Variants in KIF3C observed in about 807,000 individuals in gnomAD.
The protein encoded by KIF3C is kinesin family member 3C, also known as kinesin-like protein KIF3C.
Under a neutral mutation model 67.7 loss-of-function variants are expected in KIF3C, and 12 were observed. That is an observed-to-expected ratio of 0.18 (90% CI 0.11 to 0.29). The LOEUF (loss-of-function observed/expected upper bound fraction) is 0.29. Among genes scored for constraint, KIF3C ranks in the 10% least tolerant of loss-of-function variants. KIF3C has a pLI of 1.00. For synonymous variants in KIF3C, 393 were observed against 426.2 expected, an observed-to-expected ratio of 0.92 and a Z score of 0.96; for missense variants, 789 against 1,059.6, an observed-to-expected ratio of 0.74 and a Z score of 3.55.
chr2:25,958,088 T>G lies in KIF3C; in HGVS notation c.1546-1644A>C, dbSNP rs1274157279. ...CATCCCTGCCCTGCCTCTCATCCGT[T>G]GCATCTGGCCAGTGAGTCAAGGCCA... On this transcript the variant is annotated intron_variant, in intron 1 of 7. Transcript: ENST00000264712. The surrounding 1 kb of genome is among the most constrained non-coding windows in gnomAD (Gnocchi z 4.5). 1.3e-5 allele frequency among the ~76,000 whole-genome samples: 2 copies of G among 152,076 alleles called. No individual in the cohort carries two copies. The highest frequency in any genetic ancestry group is 2.9e-5 in the Non-Finnish European group (2 of 67,958).
intron 1 of KIF3C, among the ~76,000 whole-genome samples, chr2:25,977,061 T>C (rs1354658676): frequency 1.3e-5 from 2 of 150,660 alleles, no homozygotes; most frequent in Non-Finnish European, 3.0e-5. Flanking sequence ...ACTACATAAG[T>C]ATAAATTGCT....
intron 7 of KIF3C, 29 bp from the exon 8 acceptor site, chr2:25,929,100 G>A (rs200972744): frequency 1.3e-6 from 2 of 1,586,916 alleles, no homozygotes; most frequent in Non-Finnish European, 1.7e-6. Context: ...AGGCGAAAGG[G>A]GAGGTTAGGG....
At chr2:25,970,965 G>GAA (rs970182694) in intron 1 of KIF3C, among the ~76,000 whole-genome samples, 45 of 49,308 alleles carry the variant, frequency 9.1e-4, no homozygotes, top group African/African-American at 1.6e-3. Context: ...CTCTATGAAG[G>GAA]AAAAAAAAAA....
chr2:25,930,827 C>A (rs977542310), intron 5 of KIF3C, among the ~76,000 whole-genome samples: 4 of 152,096 alleles, frequency 2.6e-5, no homozygotes. Flanking sequence ...GCGTGAGCCA[C>A]CGTGCCTGGC....
intron 1 of KIF3C, among the ~76,000 whole-genome samples, chr2:25,971,942 G>GTCTCAAAC (rs1322697206): frequency 2.2e-5 from 3 of 133,918 alleles, no homozygotes; most frequent in Admixed American, 1.7e-4. Flanking sequence ...GTCCAGTCTG[G>GTCTCAAAC]TCTCAAACTC....
rs948050751 is a variant in KIF3C at position 25,943,634 on chromosome 2, G to A, written c.2006+8155C>T. The stretch of plus-strand genomic sequence containing the variant: ...CGAGGTGGGCGGATCACCTGAGGTC[G>A]GGAGTTCGAGACCAGCCTGACCAAC... On this transcript the variant is annotated intron_variant, in intron 5 of 7. Transcript: ENST00000264712. Among the ~76,000 whole-genome samples, 7 of 152,188 alleles carry A rather than the reference G, an allele frequency of 4.6e-5. No individual in the cohort carries two copies. In the South Asian group the frequency reaches 8.3e-4, roughly 18 times the overall value.
At chr2:25,948,684 A>T (rs950627222) in intron 5 of KIF3C, among the ~76,000 whole-genome samples, 5 of 149,866 alleles carry the variant, frequency 3.3e-5, no homozygotes, top group African/African-American at 9.8e-5. Context: ...GAGAGAAAGA[A>T]AGAAAGGAAG....
intron 5 of KIF3C, among the ~76,000 whole-genome samples, chr2:25,940,013 T>G (rs1197524400): frequency 6.6e-6 from 1 of 151,892 alleles, no homozygotes; most frequent in African/African-American, 2.4e-5. Flanking sequence ...TAACAAAAAA[T>G]CAACATCTAA....
chr2:25,981,947 C>G lies in KIF3C; in HGVS notation c.-30G>C, dbSNP rs532983874. Reference sequence around the variant, plus strand: ...CTGCTCTGACCTTCCTGCCCCCGAGCCCCTCCGCAGCCTGGGCGGTCCTGC... The same window carrying G: ...CTGCTCTGACCTTCCTGCCCCCGAGGCCCTCCGCAGCCTGGGCGGTCCTGC... On this transcript the variant is annotated 5_prime_UTR_variant, in exon 1 of 8. Transcript: ENST00000264712. This position sits in a 1 kb window ranked among gnomAD's most constrained non-coding sequence, Gnocchi z 8.2. The G allele has an allele frequency of 6.7e-7, 1 of 1,502,032 alleles. No homozygotes were observed. The highest frequency in any genetic ancestry group is 1.4e-5 in the African/African-American group (1 of 72,110). 93.0% of individuals were successfully genotyped at this position (1,502,032 alleles called of 1,614,324 possible). A position where few individuals can be genotyped will look rare whatever the true frequency, so the allele number is the denominator to read the frequency against.
At position 25,969,044 on chromosome 2, in the gene KIF3C, G is replaced by C. The variant is rs543638888; in HGVS notation, c.1545+11329C>G. On this transcript the variant is annotated intron_variant, in intron 1 of 7. Coordinates refer to ENST00000264712, the MANE Select transcript of KIF3C (RefSeq NM_002254.8). ...TCGCCACGTTGGTCAGGCTGGTCTC[G>C]AACTCCTGACCTCAGGTGATCTGCC... is the stretch of plus-strand genomic sequence containing the variant. 2.0e-5 allele frequency among the ~76,000 whole-genome samples: 3 copies of C among 152,164 alleles called. No homozygotes were observed. In the East Asian group the frequency reaches 5.8e-4, roughly 29 times the overall value.
chr2:25,974,360 G>A (rs988771098), intron 1 of KIF3C, among the ~76,000 whole-genome samples: 1 of 151,990 alleles, frequency 6.6e-6, no homozygotes, highest in African/African-American at 2.4e-5. Flanking sequence ...GAGCCACCGC[G>A]CCCGGCCTTT....
At position 25,963,013 on chromosome 2, in the gene KIF3C, TATATATAATATATA is replaced by T. The variant is rs70950144; in HGVS notation, c.1546-6583_1546-6570del. 1.1e-3 allele frequency among the ~76,000 whole-genome samples: 49 copies of T among 44,338 alleles called. 2 individuals are homozygous for T. Among genetic ancestry groups the T allele is most frequent in the East Asian group, 9.1e-3 (15 of 1,648 alleles). 29.1% of individuals were successfully genotyped at this position (44,338 alleles called of 152,430 possible). A position where few individuals can be genotyped will look rare whatever the true frequency, so the allele number is the denominator to read the frequency against. On this transcript the variant is annotated intron_variant, in intron 1 of 7. Transcript: ENST00000264712. ...AATATATATAATATATAATATATAA[TATATATAATATATA>T]ATATATAATATATAATATATAAATA... is the stretch of plus-strand genomic sequence containing the variant.
intron 5 of KIF3C, 67 bp downstream of exon 5, chr2:25,951,722 C>G: frequency 1.8e-6 from 2 of 1,085,634 alleles, no homozygotes. Context: ...CCTCAGGCCC[C>G]TCACCAGCCC....
intron 2 of KIF3C, 116 bp downstream of exon 2, chr2:25,956,226 AT>A: frequency 1.3e-6 from 1 of 782,944 alleles, no homozygotes. Flanking sequence ...CATGTCTGAG[AT>A]TCTCAGCACT....
At chr2:25,959,683 G>A (rs1266241901) in intron 1 of KIF3C, among the ~76,000 whole-genome samples, 3 of 151,932 alleles carry the variant, frequency 2.0e-5, no homozygotes, top group East Asian at 1.9e-4. Flanking sequence ...CAAGTGATCC[G>A]CCTGCCTCAG....
chr2:25,961,864 C>T (rs973197960), intron 1 of KIF3C, among the ~76,000 whole-genome samples: 4 of 150,576 alleles, frequency 2.7e-5, no homozygotes, highest in Admixed American at 6.7e-5. Context: ...GCAGGAGAAT[C>T]GCTTGAACCC....
intron 5 of KIF3C, among the ~76,000 whole-genome samples, chr2:25,933,123 T>C (rs1392491869): frequency 6.6e-6 from 1 of 150,658 alleles, no homozygotes; most frequent in Non-Finnish European, 1.5e-5. Context: ...TGGCAGCATG[T>C]ATCTGTAATT....
At chr2:25,949,136 T>C (rs933927135) in intron 5 of KIF3C, among the ~76,000 whole-genome samples, 1 of 152,194 alleles carries the variant, frequency 6.6e-6, no homozygotes, top group Non-Finnish European at 1.5e-5. Context: ...TTTTCGGAAG[T>C]ACAGGTAAAA....
intron 5 of KIF3C, among the ~76,000 whole-genome samples, chr2:25,932,391 G>A (rs542414064): frequency 2.0e-5 from 3 of 149,810 alleles, no homozygotes; most frequent in African/African-American, 4.9e-5. Flanking sequence ...CTCCTGCCTC[G>A]GCCTCCCAAA....
Sources: gnomAD v4.1 joint callset for allele counts (sites outside exome capture counted in the v4.1 genomes callset) on GRCh38, gnomAD v4.1.1 for gene constraint, Gnocchi (gnomAD v3.1) non-coding constraint, MANE v1.5 for transcripts, NCBI Gene and HGNC (gene_info 2026-07-23, HGNC 2026-07-21) for gene names.